Variants in XPR1 observed in about 807,000 individuals in gnomAD.
XPR1 encodes xenotropic and polytropic retrovirus receptor 1.
In XPR1, 28 loss-of-function variants were observed where a neutral mutation model predicts 87.5. The ratio of observed to expected loss-of-function variants is 0.32; its 90% CI spans 0.24 to 0.44. The LOEUF (loss-of-function observed/expected upper bound fraction) is 0.44. XPR1 is among the 20% of genes least tolerant of loss of function. The pLI, the probability that XPR1 is intolerant of heterozygous loss-of-function variation, is 1.00. For missense variants in XPR1, 559 were observed against 862.3 expected (o/e 0.65, Z 4.41); for synonymous variants, 300 against 306.1 (o/e 0.98, Z 0.21).
At chr1:180,873,781 C>T (rs1389088166) in intron 12 of XPR1, 22 bp from the exon 13 acceptor site, 1 of 1,609,134 alleles carries the variant, frequency 6.2e-7, no homozygotes, top group African/African-American at 1.3e-5. Context: ...AAAACATACT[C>T]AATTTCTTTA....
At chr1:180,725,210 G>C (rs995439778) in intron 2 of XPR1, among the ~76,000 whole-genome samples, 1 of 152,132 alleles carries the variant, frequency 6.6e-6, no homozygotes, top group Non-Finnish European at 1.5e-5. Flanking sequence ...ATTTATTGTA[G>C]CATCATTTTA....
At chr1:180,789,875 C>T (rs982825770) in intron 3 of XPR1, among the ~76,000 whole-genome samples, 2 of 152,304 alleles carry the variant, frequency 1.3e-5, no homozygotes, top group African/African-American at 4.8e-5. Flanking sequence ...CGTAGGACAA[C>T]AGCAGAATAA....
intron 1 of XPR1, among the ~76,000 whole-genome samples, chr1:180,660,106 T>G (rs1482939236): frequency 6.6e-6 from 1 of 152,188 alleles, no homozygotes; most frequent in South Asian, 2.1e-4. Flanking sequence ...TGGTTGTATG[T>G]GTCTAGGAAT....
At chr1:180,788,380 G>T (rs1003763953) in intron 3 of XPR1, among the ~76,000 whole-genome samples, 11 of 152,146 alleles carry the variant, frequency 7.2e-5, no homozygotes, top group African/African-American at 2.7e-4. Flanking sequence ...ATGTTGCAAT[G>T]TACATAATAT....
chr1:180,643,521 A>C (rs1655021117), intron 1 of XPR1, among the ~76,000 whole-genome samples: 1 of 152,202 alleles, frequency 6.6e-6, no homozygotes, highest in South Asian at 2.1e-4. Flanking sequence ...CATCTAGCAC[A>C]GTGTGTTTGT....
chr1:180,836,179 T>C (rs10753225), intron 10 of XPR1, among the ~76,000 whole-genome samples: 59,268 of 151,692 alleles, frequency 0.39, 11,827 homozygotes, highest in African/African-American at 0.42. Context: ...GGCAACATGG[T>C]GAAACCCCAT....
At chr1:180,711,480 G>A (rs552709967) in intron 2 of XPR1, among the ~76,000 whole-genome samples, 2 of 152,308 alleles carry the variant, frequency 1.3e-5, no homozygotes, top group East Asian at 3.9e-4. Context: ...CAGGCATCGC[G>A]GCGCGCGCCT....
chr1:180,805,978 T>C (rs1437845873), intron 4 of XPR1, 84 bp from the exon 5 acceptor site: 3 of 1,427,556 alleles, frequency 2.1e-6, no homozygotes, highest in African/African-American at 1.4e-5. Flanking sequence ...TCCAGCCAGC[T>C]CTGTCAGTGC....
chr1:180,858,377 T>TA (rs1652103652), intron 11 of XPR1, among the ~76,000 whole-genome samples: 1 of 152,234 alleles, frequency 6.6e-6, no homozygotes, highest in South Asian at 2.1e-4. Flanking sequence ...AACATAATTT[T>TA]ATATACAGTA....
At chr1:180,848,047 A>T (rs918091439) in intron 11 of XPR1, among the ~76,000 whole-genome samples, 9 of 152,122 alleles carry the variant, frequency 5.9e-5, no homozygotes, top group Admixed American at 4.6e-4. Context: ...TACATACAAA[A>T]ATTCTTTAAA....
intron 2 of XPR1, among the ~76,000 whole-genome samples, chr1:180,729,235 T>C (rs1658472112): frequency 6.6e-6 from 1 of 152,248 alleles, no homozygotes; most frequent in African/African-American, 2.4e-5. Context: ...TAAAATCCAG[T>C]ATACCATTGA....
chr1:180,632,100 G>T lies in XPR1; in HGVS notation c.-102G>T. 7.1e-7 allele frequency: 1 copy of T among 1,409,396 alleles called. No homozygotes were observed. The allele number at this position is 1,409,396 out of a possible 1,614,324, so 87.3% of individuals were successfully genotyped here. On this transcript the variant is annotated 5_prime_UTR_variant, in exon 1 of 15. Coordinates refer to ENST00000367590, the MANE Select transcript of XPR1 (RefSeq NM_004736.4). The stretch of plus-strand genomic sequence containing the variant: ...CGGCGGAGGAGGAGAGAAGCGCAGC[G>T]CCGCGCCGCGCCGGGGCCCATGTGG...
At position 180,806,701 on chromosome 1, in the gene XPR1, T is replaced by C. The variant is rs998400854; in HGVS notation, c.681+144T>C. 5 of 573,892 alleles carry C rather than the reference T, an allele frequency of 8.7e-6. No individual in the cohort carries two copies. In the East Asian group the frequency reaches 1.4e-4, roughly 16 times the overall value. The allele number at this position is 573,892 out of a possible 1,614,324, so 35.5% of individuals were successfully genotyped here. A position where few individuals can be genotyped will look rare whatever the true frequency, so the allele number is the denominator to read the frequency against. On this transcript the variant is annotated intron_variant, in intron 6 of 14. Transcript: ENST00000367590. ...TTTCTTATTTTAGTTTTTTAAACAT[T>C]ATATGCTATATTTTACTTCATTCTG...
In XPR1 at chr1:180,884,290, C is replaced by G. The variant is rs1652937275; in HGVS notation, c.*224C>G. The G allele has an allele frequency of 4.4e-6, 2 of 451,946 alleles. No homozygotes were observed. The highest frequency in any genetic ancestry group is 4.0e-5 in the African/African-American group (2 of 49,786). 28.0% of individuals were successfully genotyped at this position (451,946 alleles called of 1,614,324 possible). A position where few individuals can be genotyped will look rare whatever the true frequency, so the allele number is the denominator to read the frequency against. ...TTTCTATTTTCAAAACAAATATTTA[C>G]TTCATTTGCCAATCAGAGGATGTTT... is the stretch of plus-strand genomic sequence containing the variant. On this transcript the variant is annotated 3_prime_UTR_variant, in exon 15 of 15. Transcript: ENST00000367590.
In XPR1 at chr1:180,811,326, C is replaced by G. The variant is rs1050897650; in HGVS notation, c.682-81C>G. 3 of 1,109,146 alleles carry G rather than the reference C, an allele frequency of 2.7e-6. No homozygotes were observed. In the African/African-American group the frequency reaches 4.7e-5, roughly 18 times the overall value. 68.7% of individuals were successfully genotyped at this position (1,109,146 alleles called of 1,614,324 possible). A position where few individuals can be genotyped will look rare whatever the true frequency, so the allele number is the denominator to read the frequency against. On this transcript the variant is annotated intron_variant, in intron 6 of 14. Coordinates refer to ENST00000367590, the MANE Select transcript of XPR1 (RefSeq NM_004736.4). ...ATTTTCATGGTAGAACTTTGAGACT[C>G]ATTCTACTATTTTATTACAGCATAT...
chr1:180,691,634 T>C (rs1371060471), intron 2 of XPR1, among the ~76,000 whole-genome samples: 3 of 152,150 alleles, frequency 2.0e-5, no homozygotes, highest in African/African-American at 7.2e-5. Context: ...TGTGAACAGG[T>C]TTTGTTAGAA....
At chr1:180,664,939 A>G (rs550581871) in intron 1 of XPR1, among the ~76,000 whole-genome samples, 1 of 152,342 alleles carries the variant, frequency 6.6e-6, no homozygotes, top group Non-Finnish European at 1.5e-5. Context: ...TCCTGTGAGA[A>G]TCTAATGCTG....
chr1:180,678,256 G>C (rs1423167058), intron 1 of XPR1, among the ~76,000 whole-genome samples: 1 of 152,206 alleles, frequency 6.6e-6, no homozygotes, highest in East Asian at 1.9e-4. Context: ...TTCTATTAGT[G>C]ATTGAACTCA....
intron 2 of XPR1, among the ~76,000 whole-genome samples, chr1:180,728,915 G>A (rs1421582029): frequency 1.3e-5 from 2 of 152,282 alleles, no homozygotes; most frequent in Non-Finnish European, 1.5e-5. Context: ...TGTCATAGGG[G>A]TTTAGTGTAC....
Sources: gnomAD v4.1 joint callset for allele counts (sites outside exome capture counted in the v4.1 genomes callset) on GRCh38, gnomAD v4.1.1 for gene constraint, MANE v1.5 for transcripts, NCBI Gene and HGNC (gene_info 2026-07-23, HGNC 2026-07-21) for gene names.